PEAR1: variants seen among roughly 807,000 people sequenced by gnomAD.
PEAR1 encodes platelet endothelial aggregation receptor 1.
In PEAR1, 113 loss-of-function variants were observed where a neutral mutation model predicts 131.2. The ratio of observed to expected loss-of-function variants is 0.86; its 90% CI spans 0.74 to 1.01. The LOEUF (loss-of-function observed/expected upper bound fraction) is 1.01, where lower values mean the gene tolerates loss of function less well. Ranked by LOEUF, PEAR1 falls within the 50% of genes least tolerant of loss-of-function variation. The pLI, the probability that PEAR1 is intolerant of heterozygous loss-of-function variation, is 0.00. For missense variants in PEAR1, 1,408 were observed against 1,391.1 expected (o/e 1.01, Z -0.19); for synonymous variants, 565 against 523.3 (o/e 1.08, Z -1.09).
At position 156,913,464 on chromosome 1, in the gene PEAR1, C is replaced by T. The variant is rs772202030; in HGVS notation, c.2585C>T (p.Thr862Ile). The T allele has an allele frequency of 3.1e-6, 5 of 1,613,544 alleles. No homozygotes were observed. The highest frequency in any genetic ancestry group is 3.4e-6 in the Non-Finnish European group (4 of 1,180,036). Residue 862 changes from threonine (T) to isoleucine (I), a missense_variant, in exon 20 of 23, where the codon ACC becomes ATC. Physicochemically the swap from Thr to Ile is moderately conservative, Grantham distance 89 (BLOSUM62 -1). Transcript: ENST00000292357. ...PGGAQGHDNH[T>I]TLPADWKHRR... Reference sequence around the variant, plus strand: ...GGGGCCCAAGGGCATGATAACCACACCACCCTGCCTGCTGACTGGAAGCAC... The same window carrying T: ...GGGGCCCAAGGGCATGATAACCACATCACCCTGCCTGCTGACTGGAAGCAC...
intron 3 of PEAR1, 45 bp downstream of exon 3, chr1:156,904,897 G>A (rs758660536): frequency 2.4e-5 from 38 of 1,611,780 alleles, no homozygotes; most frequent in South Asian, 3.3e-5. Flanking sequence ...TACCTGAGTC[G>A]CTGCCTCAGC....
In PEAR1 at chr1:156,907,599, C is replaced by G; in HGVS notation, c.645-11C>G. ...TGTTTGCACATTGACTCCACCCACT[C>G]TGTCCTGCAGCTGTGACGTGTCCTG... On this transcript the variant is annotated splice_polypyrimidine_tract_variant and intron_variant, in intron 6 of 22. Coordinates refer to ENST00000292357, the MANE Select transcript of PEAR1 (RefSeq NM_001080471.3). 1.9e-6 allele frequency: 3 copies of G among 1,604,116 alleles called. No homozygotes were observed. Among genetic ancestry groups the G allele is most frequent in the Non-Finnish European group, 2.6e-6 (3 of 1,175,454 alleles).
At chr1:156,893,899 G>GC (rs1192605355) in intron 1 of PEAR1, 62 bp downstream of exon 1, 1 of 152,320 alleles carries the variant, frequency 6.6e-6, no homozygotes, top group Non-Finnish European at 1.5e-5. Flanking sequence ...AGACCACCCT[G>GC]CCCCGGGGAA....
chr1:156,898,956 C>T (rs1649421101), intron 1 of PEAR1, among the ~76,000 whole-genome samples: 1 of 152,184 alleles, frequency 6.6e-6, no homozygotes, highest in Non-Finnish European at 1.5e-5. Context: ...TGATGAAGAA[C>T]AAGACAAAAG....
intron 5 of PEAR1, 73 bp from the exon 6 acceptor site, chr1:156,906,564 G>T: frequency 6.3e-7 from 1 of 1,589,828 alleles, no homozygotes. Context: ...GACAGAGGCT[G>T]GGAGACAGAG....
chr1:156,908,255 C>G lies in PEAR1; in HGVS notation c.1030C>G (p.Arg344Gly). 1.3e-6 allele frequency: 2 copies of G among 1,596,556 alleles called. No individual in the cohort carries two copies. The highest frequency in any genetic ancestry group is 1.7e-6 in the Non-Finnish European group (2 of 1,176,070). The change falls in exon 9 of 23, where the codon CGC (arginine) becomes GGC (glycine). Residue 344 changes from arginine (R) to glycine (G), a missense_variant. By Grantham distance (125) the Arg-to-Gly change is moderately radical. Transcript: ENST00000292357. This position sits in a 1 kb window ranked among gnomAD's most constrained non-coding sequence, Gnocchi z 4.2. ...GTGCGAACACGGCTTCACTGGGGAC[C>G]GCTGCACGGATCGCCTCTGCCCCGA... ...CLCEHGFTGD[R>G]CTDRLCPDGF...
chr1:156,903,839 C>T (rs570283118), intron 1 of PEAR1, 79 bp from the exon 2 acceptor site: 76 of 1,201,584 alleles, frequency 6.3e-5, no homozygotes, highest in African/African-American at 5.1e-4. Context: ...TGCATGCCCA[C>T]GGCTCAGATC....
At chr1:156,905,037 T>A in intron 3 of PEAR1, 185 bp downstream of exon 3, 3 of 1,527,598 alleles carry the variant, frequency 2.0e-6, no homozygotes, top group Non-Finnish European at 2.7e-6. Flanking sequence ...TGCGTGTATG[T>A]GTGTTTAGGG....
Position 156,900,273 on chromosome 1 carries a change from T to A in PEAR1, c.-9-3645T>A, listed in dbSNP as rs544732535. Among the ~76,000 whole-genome samples, 519 of 152,120 alleles carry A rather than the reference T, an allele frequency of 3.4e-3. 2 individuals are homozygous for A. Among genetic ancestry groups the A allele is most frequent in the Admixed American group, 7.7e-3 (118 of 15,278 alleles). On this transcript the variant is annotated intron_variant, in intron 1 of 22. Transcript: ENST00000292357. ...CAGCTCATTCTTGACTGTAAACACA[T>A]CTCAGTTCCCACGCTTCTGATCATG...
intron 3 of PEAR1, 102 bp from the exon 4 acceptor site, chr1:156,905,222 C>A: frequency 7.8e-7 from 1 of 1,280,392 alleles, no homozygotes; most frequent in Non-Finnish European, 1.1e-6. Flanking sequence ...CGCCCTCAGC[C>A]CAGAGTGTTG....
intron 4 of PEAR1, among the ~76,000 whole-genome samples, chr1:156,905,807 G>A (rs963250516): frequency 2.6e-5 from 4 of 152,024 alleles, no homozygotes; most frequent in African/African-American, 9.7e-5. Context: ...CTGACTCTCT[G>A]TTGCTATTGG....
chr1:156,914,869 T>C lies in PEAR1; in HGVS notation c.*71T>C, dbSNP rs1320065509. ...GCTCAAGGCTGGGGACAGAGCCTAGTGTACCCCTGCCAGGAGCAGGGAGTG... is the reference window on the plus strand; with the variant it reads ...GCTCAAGGCTGGGGACAGAGCCTAGCGTACCCCTGCCAGGAGCAGGGAGTG... On this transcript the variant is annotated 3_prime_UTR_variant, in exon 23 of 23. Coordinates refer to ENST00000292357, the MANE Select transcript of PEAR1 (RefSeq NM_001080471.3). The C allele has an allele frequency of 6.5e-6, 10 of 1,542,168 alleles. No homozygotes were observed. The highest frequency in any genetic ancestry group is 8.8e-6 in the Non-Finnish European group (10 of 1,132,952).
In PEAR1 at chr1:156,908,258, T is replaced by C; in HGVS notation, c.1033T>C (p.Cys345Arg). The C allele has an allele frequency of 1.3e-6, 2 of 1,595,464 alleles. No individual in the cohort carries two copies. The highest frequency in any genetic ancestry group is 2.3e-5 in the South Asian group (2 of 88,762). The change falls in exon 9 of 23, where the codon TGC becomes CGC. Residue 345 changes from cysteine to arginine, a missense_variant. Transcript: ENST00000292357. The surrounding 1 kb of genome is among the most constrained non-coding windows in gnomAD (Gnocchi z 4.2). ...CGAACACGGCTTCACTGGGGACCGC[T>C]GCACGGATCGCCTCTGCCCCGACGG... Reference protein sequence around the residue: ...LCEHGFTGDRCTDRLCPDGFY... With the variant: ...LCEHGFTGDRRTDRLCPDGFY...
Position 156,907,909 on chromosome 1 carries a change from C to A in PEAR1, c.766-6C>A. 1 of 1,596,862 alleles carries A rather than the reference C, an allele frequency of 6.3e-7. No homozygotes were observed. The highest frequency in any genetic ancestry group is 2.3e-5 in the East Asian group (1 of 43,972). ...CTGGGGCCCTGTTGACCTCTTATCCCCACAGGGCACCATCTGCTCCCTGCC... is the reference window on the plus strand; with the variant it reads ...CTGGGGCCCTGTTGACCTCTTATCCACACAGGGCACCATCTGCTCCCTGCC... On this transcript the variant is annotated splice_region_variant and splice_polypyrimidine_tract_variant and intron_variant, in intron 7 of 22. Coordinates refer to ENST00000292357, the MANE Select transcript of PEAR1 (RefSeq NM_001080471.3).
At chr1:156,909,344 CAGA>C (rs1431462960) in intron 11 of PEAR1, among the ~76,000 whole-genome samples, 2 of 152,200 alleles carry the variant, frequency 1.3e-5, no homozygotes, top group Non-Finnish European at 2.9e-5. Context: ...TCACATCTGC[CAGA>C]GTGACACATT....
At position 156,908,218 on chromosome 1, in the gene PEAR1, C is replaced by T. The variant is rs1427885131; in HGVS notation, c.993C>T (p.Asn331=). 6.2e-7 allele frequency: 1 copy of T among 1,602,588 alleles called. No individual in the cohort carries two copies. Among genetic ancestry groups the T allele is most frequent in the Non-Finnish European group, 8.5e-7 (1 of 1,178,694 alleles). Residue 331 remains asparagine, a synonymous_variant, in exon 9 of 23, where the codon AAC becomes AAT. Coordinates refer to ENST00000292357, the MANE Select transcript of PEAR1 (RefSeq NM_001080471.3). This position sits in a 1 kb window ranked among gnomAD's most constrained non-coding sequence, Gnocchi z 4.2. ...CGGACGCCCGTTGCTTCCCGGCCAA[C>T]GGCGCATGTCTGTGCGAACACGGCT... ...CAPDARCFPA[N]GACLCEHGFT...
chr1:156,908,755 G>C lies in PEAR1; in HGVS notation c.1216G>C (p.Glu406Gln). 6.3e-7 allele frequency: 1 copy of C among 1,585,802 alleles called. No homozygotes were observed. The highest frequency in any genetic ancestry group is 8.6e-7 in the Non-Finnish European group (1 of 1,168,898). Residue 406 changes from glutamate (E) to glutamine (Q), a missense_variant, in exon 10 of 23, where the codon GAG becomes CAG. Transcript: ENST00000292357. This position sits in a 1 kb window ranked among gnomAD's most constrained non-coding sequence, Gnocchi z 4.2. ...GGACACGCATGGGCCAGGGTGCCAG[G>C]AGCACTGTCTCTGCCTGCACGGTGG... ...PQDTHGPGCQ[E>Q]HCLCLHGGVC...
rs1468449537 is a variant in PEAR1 at position 156,909,799 on chromosome 1, G to T, written c.1460G>T (p.Gly487Val). The T allele has an allele frequency of 1.2e-6, 2 of 1,613,994 alleles. No homozygotes were observed. The highest frequency in any genetic ancestry group is 2.2e-5 in the East Asian group (1 of 44,880). The part of the protein sequence containing the change: ...CSVPCPPGTW[G>V]FSCNASCQCA... ...GTGCCCTGCCCACCCGGAACCTGGG[G>T]CTTCAGTTGCAATGCCAGCTGCCAG... The change falls in exon 12 of 23, where the codon GGC becomes GTC. Residue 487 changes from glycine (G) to valine (V), a missense_variant. Gly to Val is a moderately radical substitution (Grantham distance 109, BLOSUM62 -3). Coordinates refer to ENST00000292357, the MANE Select transcript of PEAR1 (RefSeq NM_001080471.3).
chr1:156,896,400 C>A (rs2102956314), intron 1 of PEAR1, among the ~76,000 whole-genome samples: 1 of 152,330 alleles, frequency 6.6e-6, no homozygotes, highest in South Asian at 2.1e-4. Flanking sequence ...CCCCTGGCAG[C>A]CAGACAGCCC....
Sources: allele counts gnomAD v4.1 joint callset (sites outside exome capture counted in the v4.1 genomes callset), GRCh38; gene constraint gnomAD v4.1.1; non-coding constraint Gnocchi (gnomAD v3.1); transcripts MANE v1.5; gene names NCBI Gene and HGNC (gene_info 2026-07-23, HGNC 2026-07-21).